Variants in KALRN observed in about 807,000 individuals in gnomAD.
The protein encoded by KALRN is kalirin.
Under a neutral mutation model 353.7 loss-of-function variants are expected in KALRN, and 70 were observed. The observed-to-expected ratio is 0.20, with a 90% CI of 0.16 to 0.24. KALRN has a LOEUF of 0.24. Ranked by LOEUF, KALRN falls within the 10% of genes least tolerant of loss-of-function variation. KALRN has a pLI of 1.00. For missense variants in KALRN, 2,791 were observed against 3,756.7 expected, an observed-to-expected ratio of 0.74 and a Z score of 6.72; for synonymous variants, 1,391 against 1,434.8, an observed-to-expected ratio of 0.97 and a Z score of 0.69.
chr3:124,158,937 A>T (rs1436167302), intron 1 of KALRN, among the ~76,000 whole-genome samples: 1 of 152,054 alleles, frequency 6.6e-6, no homozygotes, highest in Non-Finnish European at 1.5e-5. Context: ...CAAACTCCCC[A>T]GTTGCTTAGA....
rs180820731 is a variant in KALRN at position 124,608,218 on chromosome 3, G to A, written c.5183-24202G>A. On this transcript the variant is annotated intron_variant, in intron 34 of 59. Coordinates refer to ENST00000682506, the MANE Select transcript of KALRN (RefSeq NM_001388419.1). The stretch of plus-strand genomic sequence containing the variant: ...GACAGGGTTTCACCATGTTGCCCAG[G>A]CTGGTCTCAAATTCCTGGGCCCAAG... 2.9e-3 allele frequency among the ~76,000 whole-genome samples: 436 copies of A among 151,872 alleles called. 3 individuals are homozygous for A. Among genetic ancestry groups the A allele is most frequent in the African/African-American group, 0.01 (419 of 41,400 alleles).
chr3:124,694,756 C>G (rs142506747), intron 53 of KALRN, among the ~76,000 whole-genome samples: 270 of 152,332 alleles, frequency 1.8e-3, no homozygotes, highest in African/African-American at 6.1e-3. Flanking sequence ...ACATTTCCCA[C>G]GGTGCTCAGC....
chr3:124,585,636 G>T (rs2075099413), intron 34 of KALRN, among the ~76,000 whole-genome samples: 1 of 152,084 alleles, frequency 6.6e-6, no homozygotes, highest in South Asian at 2.1e-4. Context: ...CAATTGTGTG[G>T]CTTCTTCTGA....
chr3:124,062,574 C>CT (rs1475993472), intron 1 of KALRN, among the ~76,000 whole-genome samples: 2 of 13,232 alleles, frequency 1.5e-4, no homozygotes, highest in Non-Finnish European at 7.7e-3. Flanking sequence ...ACATCTTTAA[C>CT]CCTGCATTAG....
At chr3:124,170,831 C>CTTT (rs752783614) in intron 1 of KALRN, among the ~76,000 whole-genome samples, 6 of 47,146 alleles carry the variant, frequency 1.3e-4, no homozygotes, top group Non-Finnish European at 1.2e-4. Flanking sequence ...CTTCCACATT[C>CTTT]TTTTTTTTTT....
At chr3:124,392,699 G>T (rs1304137573) in intron 11 of KALRN, among the ~76,000 whole-genome samples, 2 of 150,556 alleles carry the variant, frequency 1.3e-5, no homozygotes, top group Non-Finnish European at 3.0e-5. Flanking sequence ...CCGCCTCCTG[G>T]GTTCAAGTGA....
chr3:124,342,074 T>C (rs1313493748), intron 9 of KALRN, among the ~76,000 whole-genome samples: 1 of 152,116 alleles, frequency 6.6e-6, no homozygotes, highest in Non-Finnish European at 1.5e-5. Flanking sequence ...GGTAAGGGGC[T>C]GCTCAAAAAT....
chr3:124,451,709 C>T (rs2058804844), intron 21 of KALRN, among the ~76,000 whole-genome samples: 1 of 152,042 alleles, frequency 6.6e-6, no homozygotes, highest in Non-Finnish European at 1.5e-5. Context: ...GTGACTCAGC[C>T]CCATGGGAAG....
At chr3:124,584,823 T>A in intron 34 of KALRN, 2 of 1,603,646 alleles carry the variant, frequency 1.2e-6, no homozygotes, top group Non-Finnish European at 1.7e-6. Flanking sequence ...CGGGGCAACA[T>A]GAAGGGCGGC....
At chr3:124,651,334 G>A (rs904801461) in intron 38 of KALRN, among the ~76,000 whole-genome samples, 3 of 152,198 alleles carry the variant, frequency 2.0e-5, no homozygotes, top group East Asian at 3.9e-4. Flanking sequence ...TTCCCCAAAT[G>A]TAGGAAAGTT....
chr3:124,399,239 A>G (rs1222928392), intron 13 of KALRN, among the ~76,000 whole-genome samples: 2 of 152,158 alleles, frequency 1.3e-5, no homozygotes, highest in Non-Finnish European at 2.9e-5. Context: ...CTCGGGTTCA[A>G]GCGATTCTTC....
At chr3:124,498,689 T>C (rs2064158748) in intron 33 of KALRN, among the ~76,000 whole-genome samples, 1 of 152,186 alleles carries the variant, frequency 6.6e-6, no homozygotes, top group Non-Finnish European at 1.5e-5. Flanking sequence ...TCCTTAGACA[T>C]AGTCACACTT....
At chr3:124,674,313 G>A (rs201561427) in intron 48 of KALRN, 51 bp from the exon 49 acceptor site, 84 of 1,569,416 alleles carry the variant, frequency 5.4e-5, no homozygotes, top group Non-Finnish European at 6.6e-5. Context: ...GCAAGCCCAT[G>A]TGAACTAGCG....
intron 58 of KALRN, among the ~76,000 whole-genome samples, chr3:124,715,927 A>AC (rs1224508587): frequency 6.6e-6 from 1 of 152,208 alleles, no homozygotes; most frequent in African/African-American, 2.4e-5. Context: ...CCATCCTTGC[A>AC]CAATCCTCAT....
intron 3 of KALRN, among the ~76,000 whole-genome samples, chr3:124,261,632 C>A (rs1443110583): frequency 6.6e-6 from 1 of 152,202 alleles, no homozygotes; most frequent in Non-Finnish European, 1.5e-5. Flanking sequence ...CTGCTACTGA[C>A]CACCAGCTTT....
intron 34 of KALRN, among the ~76,000 whole-genome samples, chr3:124,588,716 G>A (rs570116515): frequency 3.3e-5 from 5 of 152,150 alleles, no homozygotes; most frequent in Admixed American, 6.5e-5. Context: ...GTGAGTCACC[G>A]TGCCCAACCA....
At chr3:124,629,406 C>T (rs895220621) in intron 34 of KALRN, among the ~76,000 whole-genome samples, 6 of 152,192 alleles carry the variant, frequency 3.9e-5, no homozygotes, top group Non-Finnish European at 7.3e-5. Context: ...CTCTTTTTAT[C>T]ATGTCATTTC....
Position 124,604,141 on chromosome 3 carries a change from C to T in KALRN, c.5183-28279C>T, listed in dbSNP as rs919616983. Among the ~76,000 whole-genome samples the T allele has an allele frequency of 1.0e-4, 9 of 86,022 alleles. No homozygotes were observed. The South Asian group carries it at 2.3e-3, about 22-fold the overall frequency. 56.4% of individuals were successfully genotyped at this position (86,022 alleles called of 152,430 possible). On this transcript the variant is annotated intron_variant, in intron 34 of 59. Coordinates refer to ENST00000682506, the MANE Select transcript of KALRN (RefSeq NM_001388419.1). The stretch of plus-strand genomic sequence containing the variant: ...AAATAGATGGTCAGGACTGCTTTCA[C>T]GTTTTTTTTTTTTAAATTTATTATT...
At chr3:124,263,905 T>G (rs2073196794) in intron 3 of KALRN, among the ~76,000 whole-genome samples, 1 of 152,112 alleles carries the variant, frequency 6.6e-6, no homozygotes, top group South Asian at 2.1e-4. Context: ...CATGATTCAT[T>G]TTAGGAACAA....
Sources: allele counts gnomAD v4.1 joint callset (sites outside exome capture counted in the v4.1 genomes callset), GRCh38; gene constraint gnomAD v4.1.1; transcripts MANE v1.5; gene names NCBI Gene and HGNC (gene_info 2026-07-23, HGNC 2026-07-21).